The following MAEL variants were observed in gnomAD, a reference collection of about 807,000 sequenced individuals.
MAEL encodes protein maelstrom homolog.
A neutral mutation model predicts 62.0 loss-of-function variants in MAEL; 46 were observed. That is an observed-to-expected ratio of 0.74 (90% CI 0.59 to 0.95). MAEL has a LOEUF of 0.95. Among genes scored for constraint, MAEL ranks in the 40% least tolerant of loss-of-function variants. The pLI, the probability that MAEL is intolerant of heterozygous loss-of-function variation, is 0.00. For synonymous variants in MAEL, 172 were observed against 175.5 expected, an observed-to-expected ratio of 0.98 and a Z score of 0.16; for missense variants, 497 against 526.8, an observed-to-expected ratio of 0.94 and a Z score of 0.55.
intron 5 of MAEL, among the ~76,000 whole-genome samples, chr1:166,998,852 C>T (rs1664539284): frequency 6.6e-6 from 1 of 152,136 alleles, no homozygotes; most frequent in African/African-American, 2.4e-5. Flanking sequence ...GTAATTCTCG[C>T]AATATTTCAA....
chr1:167,004,209 A>C lies in MAEL; in HGVS notation c.553A>C (p.Asn185His), dbSNP rs765569672. 2.4e-5 allele frequency: 38 copies of C among 1,609,908 alleles called. No homozygotes were observed. Among genetic ancestry groups the C allele is most frequent in the Non-Finnish European group, 3.1e-5 (36 of 1,178,164 alleles). ...TTCTAGTCACAAGATTCCTATTTCAAATTTTGAACGTGGGCATAACCAAGC... is the reference window on the plus strand; with the variant it reads ...TTCTAGTCACAAGATTCCTATTTCACATTTTGAACGTGGGCATAACCAAGC... ...SDSSHKIPIS[N>H]FERGHNQATV... The change falls in exon 6 of 12, where the codon AAT (asparagine) becomes CAT (histidine). Residue 185 changes from asparagine (N) to histidine (H), a missense_variant. Asn to His is a moderately conservative substitution (Grantham distance 68). Coordinates refer to ENST00000367872, the MANE Select transcript of MAEL (RefSeq NM_032858.3).
chr1:167,006,025 C>G (rs1455777034), intron 8 of MAEL: 1 of 152,122 alleles, frequency 6.6e-6, no homozygotes. Context: ...CAGGGATTGG[C>G]CTGGTTAGTA....
intron 5 of MAEL, among the ~76,000 whole-genome samples, chr1:166,999,170 A>G (rs1664555844): frequency 6.6e-6 from 1 of 152,230 alleles, no homozygotes; most frequent in African/African-American, 2.4e-5. Flanking sequence ...ATCAAAAGCT[A>G]GAAATGATTC....
chr1:167,021,668 GT>G lies in MAEL; in HGVS notation c.1119del (p.Asp374ThrfsTer24), dbSNP rs1331535247. ...NEEQRSNTPI[G>X]DYPSRAKISG... ...TTTTCTTGTATTTTCAATATCCTAG[GT>G]GACTACCCATCTAGGGCAAAAATTT... On this transcript the variant is annotated frameshift_variant and splice_region_variant, in exon 12 of 12. Transcript: ENST00000367872. LOFTEE classifies it high-confidence loss of function. The G allele has an allele frequency of 9.4e-6, 15 of 1,590,498 alleles. No individual in the cohort carries two copies. Among genetic ancestry groups the G allele is most frequent in the African/African-American group, 2.7e-5 (2 of 73,772 alleles).
At chr1:167,015,402 G>A (rs1375206504) in intron 8 of MAEL, among the ~76,000 whole-genome samples, 2 of 152,078 alleles carry the variant, frequency 1.3e-5, no homozygotes, top group African/African-American at 4.8e-5. Flanking sequence ...CTTTCATCCA[G>A]TGCAAATAAT....
chr1:166,987,386 T>C (rs914442468), upstream of MAEL, among the ~76,000 whole-genome samples: 13 of 152,256 alleles, frequency 8.5e-5, no homozygotes, highest in Admixed American at 4.6e-4. Context: ...AGTAGTAGTC[T>C]ACTAAATGAA....
chr1:166,999,062 C>T (rs1664551244), intron 5 of MAEL, among the ~76,000 whole-genome samples: 1 of 152,134 alleles, frequency 6.6e-6, no homozygotes, highest in Non-Finnish European at 1.5e-5. Flanking sequence ...CTCACTATTC[C>T]CTAAGACACA....
chr1:167,002,232 T>C (rs752336379), intron 5 of MAEL, among the ~76,000 whole-genome samples: 4 of 152,232 alleles, frequency 2.6e-5, no homozygotes, highest in Non-Finnish European at 5.9e-5. Flanking sequence ...GATTATCTAA[T>C]TTTATTATCA....
chr1:166,983,588 A>G (rs1370751010), intron 1 of MAEL, among the ~76,000 whole-genome samples: 6 of 152,194 alleles, frequency 3.9e-5, no homozygotes, highest in African/African-American at 1.4e-4. Context: ...CCCTCCACAT[A>G]TTTCAACCCA....
At position 167,004,964 on chromosome 1, in the gene MAEL, C is replaced by T. The variant is rs996972805; in HGVS notation, c.649-112C>T. On this transcript the variant is annotated intron_variant, in intron 6 of 11. Transcript: ENST00000367872. Reference sequence around the variant, plus strand: ...CAAACTCCTCAGTCTTTCTCCTGTGCCCCCTACCTCCCAACCCCCACATTT... The same window carrying T: ...CAAACTCCTCAGTCTTTCTCCTGTGTCCCCTACCTCCCAACCCCCACATTT... The T allele has an allele frequency of 5.3e-5, 48 of 910,570 alleles. No homozygotes were observed. The African/African-American group carries it at 6.7e-4, about 13-fold the overall frequency. The allele number at this position is 910,570 out of a possible 1,614,324, so 56.4% of individuals were successfully genotyped here. A position where few individuals can be genotyped will look rare whatever the true frequency, so the allele number is the denominator to read the frequency against.
chr1:166,992,694 G>T lies in MAEL; in HGVS notation c.334G>T (p.Gly112Ter). 1.3e-6 allele frequency: 2 copies of T among 1,586,002 alleles called. No homozygotes were observed. The highest frequency in any genetic ancestry group is 1.2e-5 in the South Asian group (1 of 85,766). ...TTACAATTTTTTTTTAGCTCTCCTT[G>T]GAGGCATTTTTTATTTTTTGAACAT... ...LSLKGDQALL[G>*]GIFYFLNIFS... is the part of the protein sequence containing the mutation. Residue 112 changes from glycine (G) to a stop codon, truncating the protein, a stop_gained, in exon 4 of 12, where the codon GGA becomes TGA. Transcript: ENST00000367872. LOFTEE classifies it high-confidence loss of function.
At chr1:167,008,693 T>C (rs1331664623) in intron 8 of MAEL, among the ~76,000 whole-genome samples, 1 of 152,086 alleles carries the variant, frequency 6.6e-6, no homozygotes, top group African/African-American at 2.4e-5. Flanking sequence ...ATGTGTTTAG[T>C]AGAGTGAATT....
chr1:166,992,682 T>G lies in MAEL; in HGVS notation c.326-4T>G, dbSNP rs752508535. 7.7e-6 allele frequency: 12 copies of G among 1,568,446 alleles called. No individual in the cohort carries two copies. Among genetic ancestry groups the G allele is most frequent in the Non-Finnish European group, 1.0e-5 (12 of 1,166,088 alleles). On this transcript the variant is annotated splice_polypyrimidine_tract_variant and splice_region_variant and intron_variant, in intron 3 of 11. Coordinates refer to ENST00000367872, the MANE Select transcript of MAEL (RefSeq NM_032858.3). ...ATTCATTTTATCTTACAATTTTTTTTTAGCTCTCCTTGGAGGCATTTTTTA... is the reference window on the plus strand; with the variant it reads ...ATTCATTTTATCTTACAATTTTTTTGTAGCTCTCCTTGGAGGCATTTTTTA...
At position 166,992,492 on chromosome 1, in the gene MAEL, A is replaced by G. The variant is rs1664229559; in HGVS notation, c.326-194A>G. On this transcript the variant is annotated intron_variant, in intron 3 of 11. Coordinates refer to ENST00000367872, the MANE Select transcript of MAEL (RefSeq NM_032858.3). ...AGAGTGGTTACTTTAATCCTTGATAATTGTAATTATAAGAATTTTGATTTC... is the reference window on the plus strand; with the variant it reads ...AGAGTGGTTACTTTAATCCTTGATAGTTGTAATTATAAGAATTTTGATTTC... 2.6e-5 allele frequency among the ~76,000 whole-genome samples: 4 copies of G among 152,158 alleles called. No homozygotes were observed. The South Asian group carries it at 8.3e-4, about 32-fold the overall frequency.
chr1:167,015,640 A>G (rs2102126057), intron 8 of MAEL, among the ~76,000 whole-genome samples: 1 of 151,976 alleles, frequency 6.6e-6, no homozygotes, highest in East Asian at 1.9e-4. Context: ...TTCCTCACCA[A>G]CATCACCTCC....
chr1:167,017,959 G>A lies in MAEL; in HGVS notation c.1041G>A (p.Gln347=), dbSNP rs752004862. 1 of 1,612,254 alleles carries A rather than the reference G, an allele frequency of 6.2e-7. No homozygotes were observed. Among genetic ancestry groups the A allele is most frequent in the South Asian group, 1.1e-5 (1 of 90,780 alleles). ...TTGTATTGGATGCAGGGCGTTACCAGGTAAGGAACTGACTTTTAAGAGCTG... is the reference window on the plus strand; with the variant it reads ...TTGTATTGGATGCAGGGCGTTACCAAGTAAGGAACTGACTTTTAAGAGCTG... ...KMVVLDAGRY[Q]KLRVGSSGFS... Residue 347 remains glutamine (Q), a splice_region_variant and synonymous_variant, in exon 10 of 12, where the codon CAG becomes CAA. Transcript: ENST00000367872.
intron 8 of MAEL, chr1:167,012,643 TCTGA>T (rs1391558342): frequency 6.6e-6 from 1 of 152,192 alleles, no homozygotes; most frequent in Non-Finnish European, 1.5e-5. Context: ...AACAAGACAC[TCTGA>T]CAGAGAAGAA....
At chr1:167,003,492 G>T (rs535451817) in intron 5 of MAEL, among the ~76,000 whole-genome samples, 3 of 152,160 alleles carry the variant, frequency 2.0e-5, no homozygotes, top group Non-Finnish European at 4.4e-5. Flanking sequence ...CTCTGGAAAG[G>T]GTTTGTGTTT....
intron 5 of MAEL, among the ~76,000 whole-genome samples, chr1:166,998,641 C>G (rs1247398773): frequency 6.6e-6 from 1 of 152,178 alleles, no homozygotes; most frequent in Non-Finnish European, 1.5e-5. Context: ...TCCCCACCCC[C>G]GTTTTTGGTG....
Sources: gnomAD v4.1 joint callset for allele counts (sites outside exome capture counted in the v4.1 genomes callset) on GRCh38, gnomAD v4.1.1 for gene constraint, MANE v1.5 for transcripts, NCBI Gene and HGNC (gene_info 2026-07-23, HGNC 2026-07-21) for gene names.